The following UTRN variants were observed in gnomAD, a reference collection of about 807,000 sequenced individuals.
UTRN encodes dystrophin-related protein 1.
Under a neutral mutation model 463.9 loss-of-function variants are expected in UTRN, and 283 were observed. That is an observed-to-expected ratio of 0.61 (90% CI 0.55 to 0.67). UTRN has a LOEUF of 0.67. Ranked by LOEUF, UTRN falls within the 30% of genes least tolerant of loss-of-function variation. The pLI is 0.00. For missense variants in UTRN, 3,922 were observed against 4,084.3 expected, an observed-to-expected ratio of 0.96 and a Z score of 1.08; for synonymous variants, 1,442 against 1,431.5, an observed-to-expected ratio of 1.01 and a Z score of -0.17.
chr6:144,310,406 C>T (rs1350753909), intron 2 of UTRN, among the ~76,000 whole-genome samples: 2 of 152,040 alleles, frequency 1.3e-5, no homozygotes, highest in Non-Finnish European at 2.9e-5. Flanking sequence ...CATGGTGGCT[C>T]ATGCCTGTAA....
At chr6:144,381,119 C>G (rs1780873959) in intron 2 of UTRN, among the ~76,000 whole-genome samples, 1 of 151,834 alleles carries the variant, frequency 6.6e-6, no homozygotes, top group Non-Finnish European at 1.5e-5. Flanking sequence ...TTTCATCATC[C>G]AGGTATTAAG....
chr6:144,443,118 A>G (rs558914573), intron 13 of UTRN, among the ~76,000 whole-genome samples: 2 of 152,360 alleles, frequency 1.3e-5, no homozygotes, highest in South Asian at 4.1e-4. Context: ...CAAGTCTTTA[A>G]CAGATAAATT....
At chr6:144,324,300 G>A (rs1357437365) in intron 2 of UTRN, among the ~76,000 whole-genome samples, 2 of 152,000 alleles carry the variant, frequency 1.3e-5, no homozygotes, top group African/African-American at 4.8e-5. Context: ...CTGCATCGAG[G>A]TCCCCAAAAA....
intron 2 of UTRN, chr6:144,333,287 C>T (rs1050328083): frequency 1.3e-5 from 2 of 152,170 alleles, no homozygotes; most frequent in Non-Finnish European, 2.9e-5. Context: ...AACAGACCTT[C>T]TCCCATTGAT....
At chr6:144,453,994 A>G in intron 19 of UTRN, 125 bp downstream of exon 19, 1 of 771,608 alleles carries the variant, frequency 1.3e-6, no homozygotes, top group Non-Finnish European at 2.0e-6. Flanking sequence ...AATGGTTTTC[A>G]AAAATGTTTT....
At chr6:144,606,288 A>C (rs1260939433) in intron 51 of UTRN, among the ~76,000 whole-genome samples, 1 of 152,254 alleles carries the variant, frequency 6.6e-6, no homozygotes, top group Non-Finnish European at 1.5e-5. Flanking sequence ...AGATGTAATT[A>C]CCAATACAAA....
intron 37 of UTRN, 58 bp from the exon 38 acceptor site, chr6:144,516,171 T>C: frequency 6.4e-7 from 1 of 1,552,378 alleles, no homozygotes; most frequent in Non-Finnish European, 8.8e-7. Flanking sequence ...ATCTCTCTGA[T>C]TAATGATGGA....
intron 10 of UTRN, 122 bp from the exon 11 acceptor site, chr6:144,437,443 C>T: frequency 7.8e-6 from 7 of 899,610 alleles, no homozygotes; most frequent in Non-Finnish European, 9.3e-6. Flanking sequence ...TTTATTTGCG[C>T]TCTACTAGGC....
At chr6:144,746,926 A>C (rs938387659) in intron 54 of UTRN, among the ~76,000 whole-genome samples, 1 of 152,250 alleles carries the variant, frequency 6.6e-6, no homozygotes, top group Non-Finnish European at 1.5e-5. Context: ...CACAACTTGT[A>C]GTTCTGCGGT....
intron 50 of UTRN, among the ~76,000 whole-genome samples, chr6:144,571,307 T>A (rs1013217035): frequency 2.0e-5 from 3 of 152,210 alleles, no homozygotes; most frequent in African/African-American, 7.2e-5. Flanking sequence ...ACTCAAATTC[T>A]AGTGGGTAAC....
intron 9 of UTRN, among the ~76,000 whole-genome samples, chr6:144,433,318 A>AC (rs539515379): frequency 0.024 from 3,103 of 129,672 alleles, 121 homozygotes; most frequent in African/African-American, 0.085. Flanking sequence ...TGGGGGGCTG[A>AC]ACCCCCCACC....
At chr6:144,806,432 A>G (rs1778154094) in intron 65 of UTRN, among the ~76,000 whole-genome samples, 1 of 152,180 alleles carries the variant, frequency 6.6e-6, no homozygotes, top group South Asian at 2.1e-4. Flanking sequence ...CTACTTATAA[A>G]TCATCTGTAT....
chr6:144,544,679 G>A (rs1310275774), intron 46 of UTRN, among the ~76,000 whole-genome samples: 1 of 151,462 alleles, frequency 6.6e-6, no homozygotes, highest in Non-Finnish European at 1.5e-5. Flanking sequence ...TTCTCAACTA[G>A]TGACCTCATC....
intron 65 of UTRN, among the ~76,000 whole-genome samples, chr6:144,806,709 T>G (rs909472360): frequency 7.1e-6 from 1 of 141,240 alleles, no homozygotes; most frequent in African/African-American, 2.6e-5. Context: ...TGTGTAATCT[T>G]TGTGCAATAA....
At chr6:144,648,534 A>G (rs796710461) in intron 51 of UTRN, among the ~76,000 whole-genome samples, 1 of 152,182 alleles carries the variant, frequency 6.6e-6, no homozygotes, top group Non-Finnish European at 1.5e-5. Context: ...AAGTATGACT[A>G]AAAAAATACA....
intron 51 of UTRN, among the ~76,000 whole-genome samples, chr6:144,655,865 G>A (rs993614569): frequency 3.3e-5 from 5 of 152,180 alleles, no homozygotes; most frequent in Admixed American, 3.3e-4. Context: ...ATGAAATATA[G>A]TTTTTAAGTA....
chr6:144,735,982 G>A (rs533046539), intron 54 of UTRN, among the ~76,000 whole-genome samples: 1 of 152,032 alleles, frequency 6.6e-6, no homozygotes, highest in Admixed American at 6.5e-5. Flanking sequence ...TAAGCTCCAT[G>A]TTTTTAATAC....
Position 144,448,651 on chromosome 6 carries a change from C to A in UTRN, c.1954C>A (p.Leu652Ile), listed in dbSNP as rs534927604. ...GATGTCTCAGATTCCTCAGAAGGAC[C>A]TTTTGGAGACTGTTCGTGTAAGAGA... is the stretch of plus-strand genomic sequence containing the variant. ...LGMSQIPQKD[L>I]LETVRVREQA... The change falls in exon 17 of 75, where the codon CTT (leucine) becomes ATT (isoleucine). Residue 652 changes from leucine (L) to isoleucine (I), a missense_variant. This residue lies in a region of UTRN where 2,349 missense variants were observed against 2,303.8 expected (regional missense o/e 1.02). Transcript: ENST00000367545. The A allele has an allele frequency of 1.7e-5, 28 of 1,613,808 alleles. No individual in the cohort carries two copies. In the Admixed American group the frequency reaches 4.7e-4, roughly 27 times the overall value.
At position 144,485,497 on chromosome 6, in the gene UTRN, A is replaced by G; in HGVS notation, c.3800A>G (p.Asp1267Gly). 2 of 1,614,116 alleles carry G rather than the reference A, an allele frequency of 1.2e-6. No homozygotes were observed. The highest frequency in any genetic ancestry group is 1.7e-6 in the Non-Finnish European group (2 of 1,180,004). The change falls in exon 28 of 75, where the codon GAT becomes GGT. Residue 1267 changes from aspartate to glycine, a missense_variant. Around this residue, in one of 3 missense-constraint regions of UTRN, gnomAD observed 2,349 missense variants for 2,303.8 expected, o/e 1.02. Coordinates refer to ENST00000367545, the MANE Select transcript of UTRN (RefSeq NM_007124.3). ...ACAGAGGTCCTGCCTGAGAAGACGGATGCTGTCAACGAAGCCCTGGAGGTT... is the reference window on the plus strand; with the variant it reads ...ACAGAGGTCCTGCCTGAGAAGACGGGTGCTGTCAACGAAGCCCTGGAGGTT... ...KSTEVLPEKT[D>G]AVNEALESLE...
Sources: gnomAD v4.1 joint callset for allele counts (sites outside exome capture counted in the v4.1 genomes callset) on GRCh38, gnomAD v4.1.1 for gene constraint, gnomAD v4.1.1 regional missense constraint, MANE v1.5 for transcripts, NCBI Gene and HGNC (gene_info 2026-07-23, HGNC 2026-07-21) for gene names.